LIPJ: variants seen among roughly 807,000 people sequenced by gnomAD.
LIPJ encodes the protein lipase member J.
A neutral mutation model predicts 39.8 loss-of-function variants in LIPJ; 33 were observed. The observed-to-expected ratio is 0.83, with a 90% CI of 0.63 to 1.11. The LOEUF (loss-of-function observed/expected upper bound fraction) is 1.11, where lower values mean the gene tolerates loss of function less well. Ranked by LOEUF, LIPJ falls within the 50% of genes least tolerant of loss-of-function variation. The pLI is 0.00. For synonymous variants in LIPJ, 128 were observed against 139.2 expected (o/e 0.92, Z 0.57); for missense variants, 422 against 427.9 (o/e 0.99, Z 0.12).
At chr10:88,602,968 T>C (rs1040548370) in intron 9 of LIPJ, among the ~76,000 whole-genome samples, 2 of 152,134 alleles carry the variant, frequency 1.3e-5, no homozygotes, top group Non-Finnish European at 1.5e-5. Flanking sequence ...GGCACATGCC[T>C]GTAATTCCAG....
chr10:88,603,246 C>A (rs1851554845), intron 9 of LIPJ, among the ~76,000 whole-genome samples: 1 of 152,152 alleles, frequency 6.6e-6, no homozygotes, highest in African/African-American at 2.4e-5. Context: ...AGTCGACTTG[C>A]CCAATGCTTC....
At chr10:88,591,766 T>C in intron 4 of LIPJ, 1 of 205,050 alleles carries the variant, frequency 4.9e-6, no homozygotes, top group Non-Finnish European at 9.7e-6. Flanking sequence ...TCTCTAGAAT[T>C]TTCTTTTTCT....
chr10:88,613,800 A>ATATGTG, the LIPJ span, among the ~76,000 whole-genome samples: 39 of 74,168 alleles, frequency 5.3e-4, no homozygotes, highest in African/African-American at 1.6e-3. Context: ...ATATATATAT[A>ATATGTG]TGTGTGTGTG....
chr10:88,583,382 C>CA, upstream of LIPJ: 1 of 1,391,550 alleles, frequency 7.2e-7, no homozygotes, highest in East Asian at 2.8e-5. Context: ...GAGGCCCCTC[C>CA]GTCCTTGAGG....
the LIPJ span, among the ~76,000 whole-genome samples, chr10:88,615,490 T>G: frequency 6.6e-6 from 1 of 151,820 alleles, no homozygotes; most frequent in African/African-American, 2.4e-5. Flanking sequence ...GAGGTGGAGA[T>G]TGCAGTGAGC....
At chr10:88,608,267 C>T (rs982937651), downstream of LIPJ, among the ~76,000 whole-genome samples, 1 of 152,200 alleles carries the variant, frequency 6.6e-6, no homozygotes, top group Non-Finnish European at 1.5e-5. Context: ...GACTATAGAA[C>T]GCTTCGCCTC....
the LIPJ span, among the ~76,000 whole-genome samples, chr10:88,619,091 G>A: frequency 3.3e-5 from 5 of 151,938 alleles, no homozygotes; most frequent in South Asian, 2.1e-4. Flanking sequence ...TAGGAAGTGC[G>A]CAGATTTATG....
chr10:88,615,557 G>A, the LIPJ span, among the ~76,000 whole-genome samples: 1 of 147,820 alleles, frequency 6.8e-6, no homozygotes, highest in Non-Finnish European at 1.5e-5. Context: ...GAACCTGTGA[G>A]GCAGAGGTTG....
At chr10:88,591,670 C>CTCT in intron 4 of LIPJ, 172 bp downstream of exon 4, 1 of 442,186 alleles carries the variant, frequency 2.3e-6, no homozygotes, top group East Asian at 3.9e-5. Flanking sequence ...GATACACCGG[C>CTCT]CTTCTGGTCA....
chr10:88,598,985 T>A (rs1196901179), intron 8 of LIPJ, among the ~76,000 whole-genome samples: 1 of 146,206 alleles, frequency 6.8e-6, no homozygotes, highest in Non-Finnish European at 1.5e-5. Context: ...ATTACAATAA[T>A]ATAAAATATT....
chr10:88,585,494 A>G (rs1005199699), upstream of LIPJ: 2 of 152,226 alleles, frequency 1.3e-5, no homozygotes, highest in East Asian at 3.8e-4. Context: ...TTCCACCAGC[A>G]ATGGTAGAAA....
the LIPJ span, among the ~76,000 whole-genome samples, chr10:88,614,042 AC>A: frequency 6.6e-6 from 1 of 151,558 alleles, no homozygotes; most frequent in East Asian, 1.9e-4. Flanking sequence ...CAAAATGGAA[AC>A]AAAAGGCAAC....
intron 2 of LIPJ, among the ~76,000 whole-genome samples, chr10:88,589,299 T>C (rs941701654): frequency 1.4e-4 from 21 of 151,802 alleles, no homozygotes; most frequent in African/African-American, 4.8e-4. Flanking sequence ...GAGAACTGAG[T>C]AGACTTGCTG....
chr10:88,589,529 C>T (rs1282181913), intron 2 of LIPJ, among the ~76,000 whole-genome samples: 1 of 151,816 alleles, frequency 6.6e-6, no homozygotes, highest in Non-Finnish European at 1.5e-5. Context: ...AGAAGTGCAG[C>T]TTCTGTAAAT....
chr10:88,594,156 A>G lies in LIPJ; in HGVS notation c.329+12A>G. On this transcript the variant is annotated intron_variant, in intron 5 of 10. Transcript: ENST00000371939. ...TTCTGGGCTTTCAGGTACAAATAAAATGAAGTAACATTTCATTTTATAAGT... is the reference window on the plus strand; with the variant it reads ...TTCTGGGCTTTCAGGTACAAATAAAGTGAAGTAACATTTCATTTTATAAGT... 2 of 1,587,316 alleles carry G rather than the reference A, an allele frequency of 1.3e-6. No individual in the cohort carries two copies. The highest frequency in any genetic ancestry group is 2.2e-5 in the East Asian group (1 of 44,588).
At chr10:88,603,239 C>G (rs373517917) in intron 9 of LIPJ, among the ~76,000 whole-genome samples, 117 of 152,282 alleles carry the variant, frequency 7.7e-4, no homozygotes, top group African/African-American at 2.5e-3. Flanking sequence ...GTCCCACAGT[C>G]GACTTGCCCA....
downstream of LIPJ, among the ~76,000 whole-genome samples, chr10:88,610,071 C>T (rs1245519989): frequency 9.2e-5 from 14 of 152,138 alleles, no homozygotes; most frequent in East Asian, 9.6e-4. Context: ...AAGCCTCAAT[C>T]CTCAGCCTTT....
At chr10:88,611,313 G>C (rs190333216), downstream of LIPJ, among the ~76,000 whole-genome samples, 1 of 152,288 alleles carries the variant, frequency 6.6e-6, no homozygotes, top group East Asian at 1.9e-4. Context: ...ACCTAAATGA[G>C]AGGGAACCAG....
chr10:88,608,873 G>A (rs1163875244), downstream of LIPJ, among the ~76,000 whole-genome samples: 1 of 152,168 alleles, frequency 6.6e-6, no homozygotes, highest in African/African-American at 2.4e-5. Flanking sequence ...GCTATGTCAG[G>A]AAACATCCTC....
Sources: allele counts gnomAD v4.1 joint callset (sites outside exome capture counted in the v4.1 genomes callset), GRCh38; gene constraint gnomAD v4.1.1; transcripts MANE v1.5; gene names NCBI Gene and HGNC (gene_info 2026-07-23, HGNC 2026-07-21).